USP32: variants seen among roughly 807,000 people sequenced by gnomAD.
USP32 encodes the protein ubiquitin specific peptidase 32.
In USP32, 59 loss-of-function variants were observed where a neutral mutation model predicts 204.8. That is an observed-to-expected ratio of 0.29 (90% CI 0.23 to 0.36). The LOEUF (loss-of-function observed/expected upper bound fraction) is 0.36. Among genes scored for constraint, USP32 ranks in the 10% least tolerant of loss-of-function variants. The pLI is 1.00. For missense variants in USP32, 1,160 were observed against 1,946.4 expected, an observed-to-expected ratio of 0.60 and a Z score of 7.60; for synonymous variants, 517 against 678.4, an observed-to-expected ratio of 0.76 and a Z score of 3.70.
rs958096395 is a variant in USP32, at chr17:60,392,072, A to G, written c.-133T>C. The G allele has an allele frequency of 6.9e-6, 7 of 1,010,896 alleles. No individual in the cohort carries two copies. Among genetic ancestry groups the G allele is most frequent in the Middle Eastern group, 2.6e-4 (1 of 3,882 alleles). The allele number at this position is 1,010,896 out of a possible 1,614,324, so 62.6% of individuals were successfully genotyped here. A position where few individuals can be genotyped will look rare whatever the true frequency, so the allele number is the denominator to read the frequency against. On this transcript the variant is annotated 5_prime_UTR_variant, in exon 1 of 34. Transcript: ENST00000300896. ...GCCCCCACCTCCCCCCACACTAACA[A>G]GTGCGGCTTCTGCCCCGGCGGCTCC...
intron 2 of USP32, among the ~76,000 whole-genome samples, chr17:60,344,850 GAC>G (rs1330005661): frequency 2.6e-5 from 4 of 152,022 alleles, no homozygotes; most frequent in African/African-American, 9.7e-5. Flanking sequence ...TTTTTTTAGA[GAC>G]AGTGTCTCAC....
At chr17:60,414,882 G>T in intron 1 of USP32, among the ~76,000 whole-genome samples, 1 of 144,718 alleles carries the variant, frequency 6.9e-6, no homozygotes, top group Admixed American at 7.0e-5. Context: ...ATGGAGTCTT[G>T]CTCTGTTGCC....
At chr17:60,234,869 C>A (rs929501867) in intron 12 of USP32, among the ~76,000 whole-genome samples, 1 of 152,030 alleles carries the variant, frequency 6.6e-6, no homozygotes, top group Non-Finnish European at 1.5e-5. Flanking sequence ...AGCCAGACTT[C>A]ATTCTTAAGT....
intron 2 of USP32, among the ~76,000 whole-genome samples, chr17:60,338,324 CAA>C (rs535885155): frequency 4.3e-4 from 41 of 94,530 alleles, no homozygotes; most frequent in African/African-American, 4.6e-4. Flanking sequence ...GACTCTATCT[CAA>C]AAAAAAAAAA....
intron 1 of USP32, among the ~76,000 whole-genome samples, chr17:60,353,100 G>T (rs1285213740): frequency 6.6e-6 from 1 of 152,194 alleles, no homozygotes; most frequent in Admixed American, 6.5e-5. Context: ...CAGTGTGGCT[G>T]GTTTTGGAGT....
intron 1 of USP32, among the ~76,000 whole-genome samples, chr17:60,367,970 T>C (rs746154072): frequency 4.6e-5 from 7 of 152,018 alleles, no homozygotes; most frequent in Non-Finnish European, 8.8e-5. Context: ...ATAAGTAATC[T>C]AGAGATAACA....
At chr17:60,294,832 C>A in intron 3 of USP32, 31 bp from the exon 4 acceptor site, 1 of 1,476,824 alleles carries the variant, frequency 6.8e-7, no homozygotes, top group Non-Finnish European at 9.4e-7. Flanking sequence ...ATAAATTAAT[C>A]TTAACAAAGA....
intron 2 of USP32, among the ~76,000 whole-genome samples, chr17:60,329,780 C>T (rs1392399679): frequency 6.6e-6 from 1 of 152,126 alleles, no homozygotes; most frequent in East Asian, 1.9e-4. Context: ...TTCCACAAAC[C>T]AGATTACCAC....
intron 2 of USP32, among the ~76,000 whole-genome samples, chr17:60,320,397 G>T (rs1272707117): frequency 1.3e-5 from 2 of 152,174 alleles, no homozygotes; most frequent in Non-Finnish European, 2.9e-5. Context: ...AATTATTACT[G>T]TTCAGTGTCA....
chr17:60,186,307 C>A (rs1012646451), intron 29 of USP32, among the ~76,000 whole-genome samples: 1 of 152,122 alleles, frequency 6.6e-6, no homozygotes, highest in Non-Finnish European at 1.5e-5. Context: ...GATAGTAAGC[C>A]ATTTACTTTT....
At chr17:60,318,825 A>G (rs1245808540) in intron 2 of USP32, among the ~76,000 whole-genome samples, 2 of 152,234 alleles carry the variant, frequency 1.3e-5, no homozygotes, top group African/African-American at 4.8e-5. Context: ...GTAACCTTGT[A>G]AGAGAAATGT....
intron 24 of USP32, chr17:60,207,789 T>TA (rs2084865892): frequency 3.3e-6 from 1 of 304,254 alleles, no homozygotes; most frequent in African/African-American, 2.3e-5. Flanking sequence ...AAACCTATAC[T>TA]ATAGTGACAC....
At chr17:60,360,504 C>A (rs2089183271) in intron 1 of USP32, among the ~76,000 whole-genome samples, 1 of 151,396 alleles carries the variant, frequency 6.6e-6, no homozygotes, top group Admixed American at 6.6e-5. Context: ...ACTAAAAATA[C>A]AAAAGTTAGC....
intron 3 of USP32, among the ~76,000 whole-genome samples, chr17:60,297,576 GTA>G (rs1408708097): frequency 1.3e-3 from 199 of 151,810 alleles, no homozygotes; most frequent in African/African-American, 4.5e-3. Flanking sequence ...AGCCTCCCTA[GTA>G]GCTGGGATTA....
intron 1 of USP32, among the ~76,000 whole-genome samples, chr17:60,361,975 C>T (rs1485666880): frequency 3.9e-5 from 6 of 152,206 alleles, no homozygotes; most frequent in Admixed American, 1.3e-4. Flanking sequence ...TGGATCCACT[C>T]TTCCCTTCTA....
At chr17:60,321,811 T>C (rs2088118854) in intron 2 of USP32, among the ~76,000 whole-genome samples, 1 of 152,126 alleles carries the variant, frequency 6.6e-6, no homozygotes, top group Non-Finnish European at 1.5e-5. Flanking sequence ...TGACCATTCG[T>C]TGTGATGGTC....
intron 1 of USP32, among the ~76,000 whole-genome samples, chr17:60,419,991 C>T (rs992511789): frequency 1.3e-5 from 2 of 149,266 alleles, no homozygotes; most frequent in African/African-American, 4.9e-5. Flanking sequence ...TCCTGAGTAG[C>T]TGGGATTACA....
intron 12 of USP32, among the ~76,000 whole-genome samples, chr17:60,233,398 T>C (rs2085627552): frequency 6.6e-6 from 1 of 152,170 alleles, no homozygotes; most frequent in African/African-American, 2.4e-5. Flanking sequence ...AGGTTGAGGC[T>C]GTAGTGAGCT....
intron 3 of USP32, among the ~76,000 whole-genome samples, chr17:60,299,883 T>A (rs1395704022): frequency 6.6e-6 from 1 of 152,162 alleles, no homozygotes; most frequent in African/African-American, 2.4e-5. Flanking sequence ...AGCCACCTTC[T>A]CATTGTATCC....
Sources: allele counts gnomAD v4.1 joint callset (sites outside exome capture counted in the v4.1 genomes callset), GRCh38; gene constraint gnomAD v4.1.1; transcripts MANE v1.5; gene names NCBI Gene and HGNC (gene_info 2026-07-23, HGNC 2026-07-21).